The following TIAM1 variants were observed in gnomAD, a reference collection of about 807,000 sequenced individuals.
TIAM1 encodes rho guanine nucleotide exchange factor TIAM1.
Under a neutral mutation model 163.5 loss-of-function variants are expected in TIAM1, and 65 were observed. The observed-to-expected ratio is 0.40, with a 90% CI of 0.33 to 0.49. The LOEUF (loss-of-function observed/expected upper bound fraction) is 0.49. TIAM1 is among the 20% of genes least tolerant of loss of function. TIAM1 has a pLI of 0.77. For missense variants in TIAM1, 1,789 were observed against 2,044.7 expected, an observed-to-expected ratio of 0.87 and a Z score of 2.41; for synonymous variants, 833 against 810.1, an observed-to-expected ratio of 1.03 and a Z score of -0.48.
chr21:31,277,012 GA>G (rs1431510855), intron 2 of TIAM1, 104 bp from the exon 3 acceptor site: 1 of 152,214 alleles, frequency 6.6e-6, no homozygotes, highest in Non-Finnish European at 1.5e-5. Context: ...TCAATTCCAT[GA>G]CGTCAACTTT....
At chr21:31,217,775 G>A in intron 8 of TIAM1, 76 bp from the exon 9 acceptor site, 1 of 1,530,476 alleles carries the variant, frequency 6.5e-7, no homozygotes, top group Non-Finnish European at 8.8e-7. Flanking sequence ...GTCCCCGTAA[G>A]TCCCACCCTT....
rs914354669 is a variant in TIAM1, at chr21:31,366,384, C to T, written c.-368-26962G>A. Among the ~76,000 whole-genome samples the T allele has an allele frequency of 3.9e-5, 6 of 152,294 alleles. No individual in the cohort carries two copies. The South Asian group carries it at 1.0e-3, about 26-fold the overall frequency. Reference sequence around the variant, plus strand: ...CCAAATGGAAAGAAACATATCCATCCGTTAGCAGAGAATGAAAAACATGTC... The same window carrying T: ...CCAAATGGAAAGAAACATATCCATCTGTTAGCAGAGAATGAAAAACATGTC... On this transcript the variant is annotated intron_variant, in intron 2 of 28. Transcript: ENST00000286827.
chr21:31,435,780 G>A (rs2044189002), intron 2 of TIAM1, among the ~76,000 whole-genome samples: 1 of 152,114 alleles, frequency 6.6e-6, no homozygotes, highest in Admixed American at 6.6e-5. Context: ...AGGTCAAGAG[G>A]GTTCTGCTCT....
chr21:31,152,895 GT>G (rs1255266214), intron 18 of TIAM1, 134 bp from the exon 19 acceptor site: 24 of 1,352,130 alleles, frequency 1.8e-5, no homozygotes, highest in Non-Finnish European at 2.3e-5. Context: ...GAGCGGGGCA[GT>G]TTTTTACTCT....
intron 1 of TIAM1, among the ~76,000 whole-genome samples, chr21:31,517,532 A>G (rs2047425381): frequency 6.6e-6 from 1 of 152,174 alleles, no homozygotes; most frequent in Non-Finnish European, 1.5e-5. Flanking sequence ...TAGATCTAAG[A>G]GAAGAAAACA....
intron 2 of TIAM1, among the ~76,000 whole-genome samples, chr21:31,429,929 C>T (rs1206903507): frequency 6.6e-6 from 1 of 152,222 alleles, no homozygotes; most frequent in East Asian, 1.9e-4. Flanking sequence ...ACAGGGGGAG[C>T]CGGGAGTGGT....
At chr21:31,142,106 G>A (rs985729740) in intron 20 of TIAM1, among the ~76,000 whole-genome samples, 7 of 152,038 alleles carry the variant, frequency 4.6e-5, no homozygotes, top group East Asian at 3.9e-4. Context: ...TTTTCCCCTC[G>A]CTCCCTCTGC....
intron 2 of TIAM1, among the ~76,000 whole-genome samples, chr21:31,394,214 C>A (rs771951124): frequency 1.3e-5 from 2 of 152,024 alleles, no homozygotes; most frequent in South Asian, 2.1e-4. Flanking sequence ...TATGGAAGAA[C>A]CTTGAAGACA....
At chr21:31,192,316 C>T (rs976387129) in intron 13 of TIAM1, among the ~76,000 whole-genome samples, 1 of 152,092 alleles carries the variant, frequency 6.6e-6, no homozygotes, top group African/African-American at 2.4e-5. Context: ...TTTTCAAATG[C>T]TAAAAAGCTT....
chr21:31,175,677 C>T (rs1211619629), intron 15 of TIAM1, among the ~76,000 whole-genome samples: 1 of 152,102 alleles, frequency 6.6e-6, no homozygotes, highest in Non-Finnish European at 1.5e-5. Flanking sequence ...TGGCTCACAG[C>T]AACCTCTGCC....
chr21:31,329,888 T>C (rs1437501916), intron 2 of TIAM1, among the ~76,000 whole-genome samples: 1 of 152,228 alleles, frequency 6.6e-6, no homozygotes, highest in Non-Finnish European at 1.5e-5. Context: ...TACCATTTTA[T>C]AGAGCAGTTT....
rs758718886 is a variant in TIAM1 at position 31,181,206 on chromosome 21, TG to T, written c.2887+1214del. On this transcript the variant is annotated intron_variant, in intron 15 of 27. Transcript: ENST00000541036. ...CTGTTCCATCACTCACTCACTCTCT[TG>T]CTGAACAAGAAAGGGCCACCCATGT... 9.9e-5 allele frequency among the ~76,000 whole-genome samples: 15 copies of T among 152,098 alleles called. No individual in the cohort carries two copies. In the East Asian group the frequency reaches 1.2e-3, roughly 12 times the overall value.
In TIAM1 at chr21:31,245,575, G is replaced by A; in HGVS notation, c.1497C>T (p.Asn499=). The change falls in exon 6 of 28, where the codon AAC becomes AAT. Residue 499 remains asparagine (N), a synonymous_variant. Coordinates refer to ENST00000541036, the MANE Select transcript of TIAM1 (RefSeq NM_001353694.2). ...GCTCAGGCACCGCCTGCACAATGCT[G>A]TTCTCCACCCAGACGGCGTGTTTGG... ...SIPKHAVWVE[N]SIVQAVPEHP... 3 of 1,608,924 alleles carry A rather than the reference G, an allele frequency of 1.9e-6. No homozygotes were observed. Among genetic ancestry groups the A allele is most frequent in the Non-Finnish European group, 2.5e-6 (3 of 1,177,784 alleles).
At chr21:31,182,081 C>T (rs762014461) in intron 15 of TIAM1, among the ~76,000 whole-genome samples, 3 of 151,870 alleles carry the variant, frequency 2.0e-5, no homozygotes, top group Non-Finnish European at 2.9e-5. Flanking sequence ...CCACACGTGG[C>T]CCAATTCCCA....
intron 2 of TIAM1, among the ~76,000 whole-genome samples, chr21:31,406,843 C>T (rs1602203633): frequency 6.6e-6 from 1 of 152,178 alleles, no homozygotes; most frequent in East Asian, 1.9e-4. Flanking sequence ...AAATACACTG[C>T]CCTGTTTCAC....
intron 2 of TIAM1, among the ~76,000 whole-genome samples, chr21:31,385,586 GAGGGAGGAAAATCTTT>G (rs1389821759): frequency 6.6e-6 from 1 of 151,684 alleles, no homozygotes; most frequent in Non-Finnish European, 1.5e-5. Flanking sequence ...CCTGAAATAG[GAGGGAGGAAAATCTTT>G]AAGAGTTTCA....
At chr21:31,505,926 T>C (rs1252182444) in intron 1 of TIAM1, among the ~76,000 whole-genome samples, 1 of 150,258 alleles carries the variant, frequency 6.7e-6, no homozygotes, top group South Asian at 2.1e-4. Context: ...GGAAAAATGC[T>C]TGAACCCAGG....
intron 17 of TIAM1, among the ~76,000 whole-genome samples, chr21:31,153,405 G>C (rs759865061): frequency 3.3e-5 from 5 of 152,152 alleles, no homozygotes; most frequent in Non-Finnish European, 7.3e-5. Context: ...AGCAGGCATA[G>C]ACAATATGTC....
intron 2 of TIAM1, among the ~76,000 whole-genome samples, chr21:31,387,635 G>A (rs561676810): frequency 1.3e-5 from 2 of 151,652 alleles, no homozygotes; most frequent in African/African-American, 2.4e-5. Context: ...AAGGATGAAG[G>A]GGAAGACCAA....
Sources: allele counts gnomAD v4.1 joint callset (sites outside exome capture counted in the v4.1 genomes callset), GRCh38; gene constraint gnomAD v4.1.1; transcripts MANE v1.5; gene names NCBI Gene and HGNC (gene_info 2026-07-23, HGNC 2026-07-21).